The following PRDM11 variants were observed in gnomAD, a reference collection of about 807,000 sequenced individuals.
PRDM11 encodes PR/SET domain 11.
In PRDM11, 20 loss-of-function variants were observed where a neutral mutation model predicts 97.8. The ratio of observed to expected loss-of-function variants is 0.20; its 90% confidence interval spans 0.14 to 0.30. PRDM11 has a LOEUF of 0.30. Among genes scored for constraint, PRDM11 ranks in the 10% least tolerant of loss-of-function variants. The probability of loss-of-function intolerance (pLI) is 1.00; values close to 1 mark genes in which losing one functional copy is unlikely to be tolerated. For missense variants in PRDM11, 1,139 were observed against 1,555.2 expected (o/e 0.73, Z 4.50); for synonymous variants, 599 against 637.7 (o/e 0.94, Z 0.91).
At chr11:45,205,912 G>A (rs530351535) in intron 5 of PRDM11, among the ~76,000 whole-genome samples, 8 of 152,228 alleles carry the variant, frequency 5.3e-5, no homozygotes, top group East Asian at 3.9e-4. Flanking sequence ...TCTCATTGCC[G>A]TTTGATGGGT....
At chr11:45,143,566 G>A (rs1021752404), upstream of PRDM11, among the ~76,000 whole-genome samples, 2 of 152,172 alleles carry the variant, frequency 1.3e-5, no homozygotes, top group Non-Finnish European at 2.9e-5. Flanking sequence ...CACCCATTAG[G>A]CTGAAAAGCT....
chr11:45,152,357 G>A (rs182833654), intron 1 of PRDM11, among the ~76,000 whole-genome samples: 2 of 152,274 alleles, frequency 1.3e-5, no homozygotes, highest in East Asian at 1.9e-4. Context: ...ATGAACTACC[G>A]GGCCTGGCCA....
Position 45,219,598 on chromosome 11 carries a change from G to A in PRDM11, c.583G>A (p.Glu195Lys). Reference sequence around the variant, plus strand: ...CGTGGTCATCTCCCGGGAGGAGAGGGAGCAGAACCTGCTGGCGTTCCAGCA... The same window carrying A: ...CGTGGTCATCTCCCGGGAGGAGAGGAAGCAGAACCTGCTGGCGTTCCAGCA... Reference protein sequence around the residue: ...RYVVISREEREQNLLAFQHSE... With the variant: ...RYVVISREERKQNLLAFQHSE... Residue 195 changes from glutamate to lysine, a missense_variant, in exon 6 of 8, where the codon GAG (glutamate) becomes AAG (lysine). Coordinates refer to ENST00000683152, the MANE Select transcript of PRDM11 (RefSeq NM_001384648.1). This position sits in a 1 kb window ranked among gnomAD's most constrained non-coding sequence, Gnocchi z 4.2. The A allele has an allele frequency of 6.2e-7, 1 of 1,614,142 alleles. No homozygotes were observed. The highest frequency in any genetic ancestry group is 8.5e-7 in the Non-Finnish European group (1 of 1,180,018).
At chr11:45,148,516 G>A (rs1045357295) in intron 1 of PRDM11, among the ~76,000 whole-genome samples, 4 of 152,104 alleles carry the variant, frequency 2.6e-5, no homozygotes, top group Non-Finnish European at 5.9e-5. Flanking sequence ...AAACTGACAG[G>A]GCCCCAAGGA....
intron 4 of PRDM11, among the ~76,000 whole-genome samples, chr11:45,201,520 A>G (rs759069793): frequency 6.0e-5 from 9 of 148,968 alleles, no homozygotes; most frequent in Non-Finnish European, 1.2e-4. Context: ...TAGAAACAGG[A>G]TCTTGCTTTG....
intron 1 of PRDM11, among the ~76,000 whole-genome samples, chr11:45,150,817 G>A (rs1851641498): frequency 6.6e-6 from 1 of 152,226 alleles, no homozygotes; most frequent in South Asian, 2.1e-4. Flanking sequence ...GGCAGCTAAT[G>A]TTTTTTGAGG....
At position 45,187,799 on chromosome 11, in the gene PRDM11, C is replaced by CGTGTGT. The variant is rs61613469; in HGVS notation, c.486+4705_486+4710dup. 1.6e-3 allele frequency among the ~76,000 whole-genome samples: 242 copies of CGTGTGT among 147,196 alleles called. 2 individuals carry two copies. Among genetic ancestry groups the CGTGTGT allele is most frequent in the African/African-American group, 4.4e-3 (177 of 39,782 alleles). On this transcript the variant is annotated intron_variant, in intron 4 of 7. Coordinates refer to ENST00000683152, the MANE Select transcript of PRDM11 (RefSeq NM_001384648.1). Reference sequence around the variant, plus strand: ...TGCTTAAAGTGGCTCAAGAAAAGTTCGTGTGTGTGTGTGTGTGTGTGTGTG... The same window carrying CGTGTGT: ...TGCTTAAAGTGGCTCAAGAAAAGTTCGTGTGTGTGTGTGTGTGTGTGTGTGTGTGTG...
intron 1 of PRDM11, among the ~76,000 whole-genome samples, chr11:45,137,947 C>T (rs1344995728): frequency 6.6e-6 from 1 of 152,166 alleles, no homozygotes; most frequent in Non-Finnish European, 1.5e-5. Flanking sequence ...CACACATACA[C>T]ACACATACAC....
chr11:45,194,590 C>CTTTTTTTTTTTTT lies in PRDM11; in HGVS notation c.487-10120_487-10119insTTTTTTTTTTTTT, dbSNP rs1183339151. The stretch of plus-strand genomic sequence containing the variant: ...AGTACTGTGGGATAGTTATTATCTT[C>CTTTTTTTTTTTTT]TGTTTTTTTTTTTTTTTTTTTTTTT... On this transcript the variant is annotated intron_variant, in intron 4 of 7. Transcript: ENST00000683152. Among the ~76,000 whole-genome samples, 2 of 89,964 alleles carry CTTTTTTTTTTTTT rather than the reference C, an allele frequency of 2.2e-5. 1 individual carries two copies. The highest frequency in any genetic ancestry group is 4.5e-5 in the Non-Finnish European group (2 of 44,714). 59.0% of individuals were successfully genotyped at this position (89,964 alleles called of 152,430 possible).
chr11:45,147,026 G>GC (rs1307840597), intron 1 of PRDM11, 149 bp downstream of exon 1: 3 of 145,942 alleles, frequency 2.1e-5, no homozygotes, highest in Non-Finnish European at 4.6e-5. Context: ...GCGGGCGCGG[G>GC]GCGGGGGTCC....
chr11:45,154,118 G>A (rs1158407713), intron 1 of PRDM11, among the ~76,000 whole-genome samples: 1 of 152,186 alleles, frequency 6.6e-6, no homozygotes, highest in African/African-American at 2.4e-5. Flanking sequence ...ACTTTGGGAG[G>A]CTGAGGTGGG....
At chr11:45,198,251 A>G (rs1225374904) in intron 4 of PRDM11, among the ~76,000 whole-genome samples, 1 of 152,168 alleles carries the variant, frequency 6.6e-6, no homozygotes, top group Non-Finnish European at 1.5e-5. Flanking sequence ...GCCCTCATCT[A>G]GCTTAAGTAT....
chr11:45,101,570 G>GAAGAAGAAA (rs1851980880), intron 1 of PRDM11, among the ~76,000 whole-genome samples: 1 of 73,618 alleles, frequency 1.4e-5, no homozygotes, highest in African/African-American at 6.2e-5. Context: ...AAAAAAAAAA[G>GAAGAAGAAA]AAGAAGAAGA....
intron 1 of PRDM11, among the ~76,000 whole-genome samples, chr11:45,164,191 G>A (rs1590396254): frequency 1.3e-5 from 2 of 152,342 alleles, no homozygotes; most frequent in Middle Eastern, 3.4e-3. Flanking sequence ...CCCCGGTGGA[G>A]TGTATCCAGC....
rs150910029 is a variant in PRDM11 at position 45,182,967 on chromosome 11, G to A, written c.330G>A (p.Ala110=). 261 of 1,614,014 alleles carry A rather than the reference G, an allele frequency of 1.6e-4. 1 individual carries two copies. In the African/African-American group the frequency reaches 3.0e-3, roughly 19 times the overall value. ...CCGTGGGCATCCCAGACCGGGCGGC[G>A]CTCACCATCCCACAGGGCATGGAGG... ...PVPVGIPDRA[A]LTIPQGMEVV... The change falls in exon 4 of 8, where the codon GCG becomes GCA. Residue 110 remains alanine, a synonymous_variant. Coordinates refer to ENST00000683152, the MANE Select transcript of PRDM11 (RefSeq NM_001384648.1).
chr11:45,155,863 C>T (rs867490782), intron 1 of PRDM11, among the ~76,000 whole-genome samples: 35 of 152,154 alleles, frequency 2.3e-4, no homozygotes, highest in Admixed American at 6.5e-4. Flanking sequence ...TAAACATCAG[C>T]GACAGCCGAG....
chr11:45,181,931 A>C, intron 2 of PRDM11, 46 bp downstream of exon 2: 1 of 1,557,806 alleles, frequency 6.4e-7, no homozygotes, highest in East Asian at 2.3e-5. Flanking sequence ...TGGGAGTGGG[A>C]GGTGCCTGGG....
intron 4 of PRDM11, among the ~76,000 whole-genome samples, chr11:45,187,050 G>A (rs1284795943): frequency 6.6e-6 from 1 of 152,234 alleles, no homozygotes; most frequent in Non-Finnish European, 1.5e-5. Flanking sequence ...GAGCTCTGGG[G>A]ATAACAGGGC....
chr11:45,095,386 C>G (rs1280947446), upstream of PRDM11, among the ~76,000 whole-genome samples: 1 of 152,182 alleles, frequency 6.6e-6, no homozygotes, highest in Admixed American at 6.5e-5. Context: ...TTTGGCCTTG[C>G]TCCCCGCTGC....
Sources: allele counts gnomAD v4.1 joint callset (sites outside exome capture counted in the v4.1 genomes callset), GRCh38; gene constraint gnomAD v4.1.1; non-coding constraint Gnocchi (gnomAD v3.1); transcripts MANE v1.5; gene names NCBI Gene and HGNC (gene_info 2026-07-23, HGNC 2026-07-21).